The following EIF2AK3 variants were observed in gnomAD, a reference collection of about 807,000 sequenced individuals.
The protein encoded by EIF2AK3 is eukaryotic translation initiation factor 2 alpha kinase 3.
Under a neutral mutation model 113.5 loss-of-function variants are expected in EIF2AK3, and 50 were observed. That is an observed-to-expected ratio of 0.44 (90% CI 0.35 to 0.56). The LOEUF is 0.56. EIF2AK3 is among the 20% of genes least tolerant of loss of function. The pLI is 0.00. For missense variants in EIF2AK3, 1,185 were observed against 1,378.0 expected (o/e 0.86, Z 2.22); for synonymous variants, 448 against 495.4 (o/e 0.90, Z 1.27).
At chr2:88,578,061 C>T (rs1033467422) in intron 11 of EIF2AK3, among the ~76,000 whole-genome samples, 1 of 152,146 alleles carries the variant, frequency 6.6e-6, no homozygotes, top group Non-Finnish European at 1.5e-5. Flanking sequence ...AGAAACCTTG[C>T]TCAGTTTTTA....
intron 14 of EIF2AK3, among the ~76,000 whole-genome samples, chr2:88,565,247 G>C (rs1674078943): frequency 6.6e-6 from 1 of 151,800 alleles, no homozygotes; most frequent in Non-Finnish European, 1.5e-5. Flanking sequence ...TGATGGCCAG[G>C]CTGGTCTCGA....
intron 13 of EIF2AK3, among the ~76,000 whole-genome samples, chr2:88,574,316 AAAAC>A (rs777606537): frequency 1.4e-4 from 22 of 152,328 alleles, no homozygotes; most frequent in South Asian, 6.2e-4. Flanking sequence ...TAGAAAAACA[AAAAC>A]AAACAAACAA....
chr2:88,587,279 T>C (rs1459776029), intron 8 of EIF2AK3, among the ~76,000 whole-genome samples: 4 of 150,218 alleles, frequency 2.7e-5, no homozygotes, highest in African/African-American at 9.8e-5. Flanking sequence ...TTTTAATCAA[T>C]TTAATTTATA....
At position 88,590,885 on chromosome 2, in the gene EIF2AK3, A is replaced by G. The variant is rs1674872206; in HGVS notation, c.935T>C (p.Val312Ala). The change falls in exon 5 of 17, where the codon GTT (valine) becomes GCT (alanine). Residue 312 changes from valine (V) to alanine (A), a missense_variant. By Grantham distance (64) the Val-to-Ala change is moderately conservative. Transcript: ENST00000303236. ...EAAIMDIVIK[V>A]SVADWKVMAF... The stretch of plus-strand genomic sequence containing the variant: ...CATAACTTTCCAGTCAGCAACCGAA[A>G]CCTTTATCACTATGTCCATTATGGC... 6.2e-7 allele frequency: 1 copy of G among 1,613,914 alleles called. No individual in the cohort carries two copies. The highest frequency in any genetic ancestry group is 1.3e-5 in the African/African-American group (1 of 74,870).
chr2:88,569,408 G>A (rs1042038339), intron 14 of EIF2AK3, among the ~76,000 whole-genome samples: 4 of 151,708 alleles, frequency 2.6e-5, no homozygotes, highest in African/African-American at 9.7e-5. Context: ...GGCATTTCAA[G>A]GAAAACTAAC....
intron 14 of EIF2AK3, among the ~76,000 whole-genome samples, chr2:88,569,189 C>T (rs1674222977): frequency 6.6e-6 from 1 of 151,982 alleles, no homozygotes; most frequent in Non-Finnish European, 1.5e-5. Flanking sequence ...CTGCGACTGG[C>T]CGAGGGACAC....
rs1337966743 is a variant in EIF2AK3 at position 88,627,453 on chromosome 2, G to A, written c.-179C>T. Reference sequence around the variant, plus strand: ...AGCCCGGCCTCTGCCGCTGCCACCTGAGTGACAGCCTATCTCGGACATCGC... The same window carrying A: ...AGCCCGGCCTCTGCCGCTGCCACCTAAGTGACAGCCTATCTCGGACATCGC... On this transcript the variant is annotated 5_prime_UTR_variant, in exon 1 of 17. Transcript: ENST00000303236. 2.8e-6 allele frequency: 2 copies of A among 706,566 alleles called. No homozygotes were observed. The highest frequency in any genetic ancestry group is 1.9e-5 in the African/African-American group (1 of 53,374). The allele number at this position is 706,566 out of a possible 1,614,324, so 43.8% of individuals were successfully genotyped here.
At chr2:88,589,687 T>TTA (rs1558654487) in intron 6 of EIF2AK3, among the ~76,000 whole-genome samples, 3 of 149,930 alleles carry the variant, frequency 2.0e-5, no homozygotes, top group African/African-American at 4.9e-5. Flanking sequence ...TTATAAATAA[T>TTA]TATATATATA....
Position 88,574,798 on chromosome 2 carries a change from G to A in EIF2AK3, c.2685C>T (p.Asn895=), listed in dbSNP as rs1390603806. 8 of 1,614,148 alleles carry A rather than the reference G, an allele frequency of 5.0e-6. No homozygotes were observed. Among genetic ancestry groups the A allele is most frequent in the Non-Finnish European group, 6.8e-6 (8 of 1,180,014 alleles). The change falls in exon 13 of 17, where the codon AAC becomes AAT. Residue 895 remains asparagine, a synonymous_variant. Transcript: ENST00000303236. ...ATCGTCCATTCATCCAGTCTTTGAG[G>A]TTTTCTTTTCTGCACAGCTGCATTT... is the stretch of plus-strand genomic sequence containing the variant. ...YIQMQLCRKE[N]LKDWMNGRCT...
intron 1 of EIF2AK3, among the ~76,000 whole-genome samples, chr2:88,623,967 C>T (rs1675796293): frequency 6.6e-6 from 1 of 152,018 alleles, no homozygotes; most frequent in South Asian, 2.1e-4. Context: ...CTACCTTCAC[C>T]TCATCACCTG....
chr2:88,601,096 A>T (rs1353498178), intron 2 of EIF2AK3, among the ~76,000 whole-genome samples: 3 of 152,198 alleles, frequency 2.0e-5, no homozygotes, highest in Admixed American at 6.5e-5. Flanking sequence ...AAATTTTAAA[A>T]TTTCTCCTAT....
chr2:88,602,626 C>G (rs770811743), intron 2 of EIF2AK3, among the ~76,000 whole-genome samples: 1 of 152,096 alleles, frequency 6.6e-6, no homozygotes, highest in Non-Finnish European at 1.5e-5. Flanking sequence ...AACATTCTTA[C>G]AATATTTACA....
intron 10 of EIF2AK3, among the ~76,000 whole-genome samples, chr2:88,581,573 C>G (rs1437368430): frequency 6.6e-6 from 1 of 152,106 alleles, no homozygotes; most frequent in Admixed American, 6.5e-5. Context: ...TTTATTTCTC[C>G]CAAAGCCTGA....
chr2:88,572,313 T>TCCC (rs1216613196), intron 13 of EIF2AK3, among the ~76,000 whole-genome samples: 1 of 152,194 alleles, frequency 6.6e-6, no homozygotes, highest in Non-Finnish European at 1.5e-5. Context: ...AGTATCTATC[T>TCCC]CCCTGTGCTT....
intron 16 of EIF2AK3, among the ~76,000 whole-genome samples, chr2:88,558,573 A>G (rs995935882): frequency 6.6e-6 from 1 of 152,172 alleles, no homozygotes; most frequent in Non-Finnish European, 1.5e-5. Context: ...TTTTAATGCA[A>G]CCCTTCATTA....
chr2:88,627,152 C>T lies in EIF2AK3; in HGVS notation c.123G>A (p.Ala41=). The T allele has an allele frequency of 2.8e-6, 4 of 1,434,502 alleles. No homozygotes were observed. Among genetic ancestry groups the T allele is most frequent in the Non-Finnish European group, 3.6e-6 (4 of 1,101,878 alleles). 88.9% of individuals were successfully genotyped at this position (1,434,502 alleles called of 1,614,324 possible). A position where few individuals can be genotyped will look rare whatever the true frequency, so the allele number is the denominator to read the frequency against. The change falls in exon 1 of 17, where the codon GCG becomes GCA. Residue 41 remains alanine (A), a synonymous_variant. Transcript: ENST00000303236. ...GRARGLPAPT[A]EAAFGLGAAA... ...CCGCCCCGAGGCCGAACGCCGCCTCCGCCGTCGGCGCTGGGAGGCCACGGG... is the reference window on the plus strand; with the variant it reads ...CCGCCCCGAGGCCGAACGCCGCCTCTGCCGTCGGCGCTGGGAGGCCACGGG...
rs745938994 is a variant in EIF2AK3, at chr2:88,557,178, T to C, written c.*558A>G. On this transcript the variant is annotated 3_prime_UTR_variant, in exon 17 of 17. Coordinates refer to ENST00000303236, the MANE Select transcript of EIF2AK3 (RefSeq NM_004836.7). ...TAGAACCATCTAAGGAATAAAGCTA[T>C]TGAATGCTACAAATAGGACTATAAA... 1 of 155,266 alleles carries C rather than the reference T, an allele frequency of 6.4e-6. No homozygotes were observed. Among genetic ancestry groups the C allele is most frequent in the Non-Finnish European group, 1.4e-5 (1 of 69,670 alleles). 9.6% of individuals were successfully genotyped at this position (155,266 alleles called of 1,614,324 possible).
chr2:88,558,293 C>T (rs1469519493), intron 16 of EIF2AK3, among the ~76,000 whole-genome samples: 1 of 152,038 alleles, frequency 6.6e-6, no homozygotes, highest in Non-Finnish European at 1.5e-5. Flanking sequence ...AATCACATCC[C>T]TGAAACATAA....
intron 2 of EIF2AK3, among the ~76,000 whole-genome samples, chr2:88,607,337 T>G (rs2104460520): frequency 6.6e-6 from 1 of 152,354 alleles, no homozygotes; most frequent in South Asian, 2.1e-4. Flanking sequence ...ATTTCACATC[T>G]GAAAATTAAA....
Sources: gnomAD v4.1 joint callset for allele counts (sites outside exome capture counted in the v4.1 genomes callset) on GRCh38, gnomAD v4.1.1 for gene constraint, MANE v1.5 for transcripts, NCBI Gene and HGNC (gene_info 2026-07-23, HGNC 2026-07-21) for gene names.